Variants in CDH13 observed in about 807,000 individuals in gnomAD.
CDH13 encodes cadherin 13.
CDH13 carries 24 observed loss-of-function variants against 63.8 expected under a neutral mutation model. That is an observed-to-expected ratio of 0.38 (90% CI 0.27 to 0.53). The LOEUF (loss-of-function observed/expected upper bound fraction) is 0.53, where lower values mean the gene tolerates loss of function less well. Ranked by LOEUF, CDH13 falls within the 20% of genes least tolerant of loss-of-function variation. CDH13 has a pLI of 0.85. For synonymous variants in CDH13, 503 were observed against 355.3 expected (o/e 1.42, Z -4.67); for missense variants, 1,049 against 903.1 (o/e 1.16, Z -2.07).
Position 82,764,672 on chromosome 16 carries a change from G to A in CDH13, c.46-93690G>A, listed in dbSNP as rs144644957. Among the ~76,000 whole-genome samples the A allele has an allele frequency of 3.7e-3, 561 of 152,316 alleles. 2 individuals carry two copies. The highest frequency in any genetic ancestry group is 0.012 in the African/African-American group (517 of 41,566). ...GTGTTGAATAATACATGAAGGACACGAATAAATGTGTGTTGAATAATGAAT... is the reference window on the plus strand; with the variant it reads ...GTGTTGAATAATACATGAAGGACACAAATAAATGTGTGTTGAATAATGAAT... On this transcript the variant is annotated intron_variant, in intron 1 of 13. Transcript: ENST00000567109.
Position 83,554,321 on chromosome 16 carries a change from G to A in CDH13, c.961-48133G>A, listed in dbSNP as rs2075563266. ...AATATGCACTGGCAGGCAACAGAAA[G>A]CCAAACAGAAATGAGATCGAAGAAG... On this transcript the variant is annotated intron_variant, in intron 7 of 13. Transcript: ENST00000567109. Among the ~76,000 whole-genome samples, 3 of 152,014 alleles carry A rather than the reference G, an allele frequency of 2.0e-5. No homozygotes were observed. In the South Asian group the frequency reaches 6.2e-4, roughly 32 times the overall value.
chr16:83,694,320 T>C (rs12444140), intron 10 of CDH13, among the ~76,000 whole-genome samples: 86,460 of 152,032 alleles, frequency 0.57, 24,985 homozygotes, highest in Middle Eastern at 0.7. Flanking sequence ...GTCCCATATC[T>C]ACTCCTGCTG....
At chr16:83,091,011 T>C (rs183257679) in intron 3 of CDH13, among the ~76,000 whole-genome samples, 66 of 152,322 alleles carry the variant, frequency 4.3e-4, no homozygotes, top group African/African-American at 1.3e-3. Flanking sequence ...ACTGTAATTT[T>C]TCTACTTATT....
chr16:83,256,674 C>CAAAAA (rs59651612), intron 5 of CDH13, among the ~76,000 whole-genome samples: 2 of 115,652 alleles, frequency 1.7e-5, no homozygotes, highest in African/African-American at 3.3e-5. Flanking sequence ...TACTAAAATA[C>CAAAAA]AAAAAAAAAA....
At chr16:83,217,239 T>C (rs2039563324) in intron 4 of CDH13, 106 bp from the exon 5 acceptor site, 1 of 1,083,914 alleles carries the variant, frequency 9.2e-7, no homozygotes, top group Non-Finnish European at 1.4e-6. Context: ...CAGGTACCCA[T>C]GTGCTGGCAC....
intron 1 of CDH13, among the ~76,000 whole-genome samples, chr16:82,772,484 G>A (rs916521895): frequency 9.9e-5 from 15 of 152,140 alleles, no homozygotes; most frequent in African/African-American, 3.1e-4. Flanking sequence ...TGAGAGGGAG[G>A]GGAACATGCT....
intron 3 of CDH13, among the ~76,000 whole-genome samples, chr16:83,081,914 C>T (rs892887193): frequency 6.6e-6 from 1 of 152,132 alleles, no homozygotes; most frequent in Non-Finnish European, 1.5e-5. Context: ...AATCCTCCTG[C>T]CTCAGGCTCC....
intron 1 of CDH13, among the ~76,000 whole-genome samples, chr16:82,768,462 A>G (rs1017077440): frequency 3.3e-5 from 5 of 152,228 alleles, no homozygotes; most frequent in African/African-American, 1.2e-4. Flanking sequence ...AGGTTAGGCA[A>G]TAAGGAATGT....
intron 1 of CDH13, among the ~76,000 whole-genome samples, chr16:82,818,095 T>G (rs1003458495): frequency 6.7e-6 from 1 of 149,650 alleles, no homozygotes; most frequent in Non-Finnish European, 1.5e-5. Flanking sequence ...TATGAATGTA[T>G]TCACTCATAC....
At chr16:83,455,451 A>T (rs1311781269) in intron 6 of CDH13, among the ~76,000 whole-genome samples, 1 of 152,102 alleles carries the variant, frequency 6.6e-6, no homozygotes, top group Non-Finnish European at 1.5e-5. Flanking sequence ...TTGGTTTAGA[A>T]GTGGCTTTCT....
intron 4 of CDH13, among the ~76,000 whole-genome samples, chr16:83,133,810 A>G (rs570245250): frequency 1.9e-4 from 29 of 152,268 alleles, no homozygotes; most frequent in Admixed American, 1.6e-3. Flanking sequence ...ATGGAATTTT[A>G]CTTGATCTCT....
chr16:83,099,321 TCATTTTACA>T (rs1343837065), intron 3 of CDH13, among the ~76,000 whole-genome samples: 76 of 152,084 alleles, frequency 5.0e-4, no homozygotes, highest in Non-Finnish European at 4.7e-4. Context: ...ATGATAATCT[TCATTTTACA>T]CATTTTTTTT....
intron 10 of CDH13, among the ~76,000 whole-genome samples, chr16:83,742,550 T>G (rs1912166660): frequency 2.0e-5 from 3 of 152,200 alleles, no homozygotes. Flanking sequence ...CACGCTAGTA[T>G]TTTTACACTG....
At chr16:83,027,082 G>A (rs1026121745) in intron 2 of CDH13, among the ~76,000 whole-genome samples, 3 of 148,524 alleles carry the variant, frequency 2.0e-5, no homozygotes, top group African/African-American at 5.0e-5. Flanking sequence ...GCAGCCTCTT[G>A]CTCACAGCAC....
At chr16:83,503,963 G>T (rs2074341148) in intron 7 of CDH13, among the ~76,000 whole-genome samples, 1 of 151,770 alleles carries the variant, frequency 6.6e-6, no homozygotes, top group Admixed American at 6.6e-5. Context: ...GGGGGGTGGG[G>T]GGCAAGGGAA....
At chr16:83,145,389 A>T (rs575005473) in intron 4 of CDH13, among the ~76,000 whole-genome samples, 2 of 152,366 alleles carry the variant, frequency 1.3e-5, no homozygotes, top group South Asian at 4.1e-4. Flanking sequence ...CAGAGAGCTT[A>T]TGCAATTTTG....
intron 7 of CDH13, among the ~76,000 whole-genome samples, chr16:83,500,794 G>A (rs1161175039): frequency 6.6e-6 from 1 of 151,412 alleles, no homozygotes; most frequent in African/African-American, 2.4e-5. Flanking sequence ...TGGCCAGGCT[G>A]GTCTCAAACT....
At chr16:82,905,870 T>C (rs1434695069) in intron 2 of CDH13, among the ~76,000 whole-genome samples, 2 of 152,230 alleles carry the variant, frequency 1.3e-5, no homozygotes, top group African/African-American at 4.8e-5. Flanking sequence ...ACATGGCTAC[T>C]GGCTACAGCA....
At chr16:83,714,633 A>G (rs1908616418) in intron 10 of CDH13, among the ~76,000 whole-genome samples, 1 of 152,350 alleles carries the variant, frequency 6.6e-6, no homozygotes, top group East Asian at 1.9e-4. Context: ...CATTGTCTAT[A>G]GAGACTGTAA....
Sources: gnomAD v4.1 joint callset for allele counts (sites outside exome capture counted in the v4.1 genomes callset) on GRCh38, gnomAD v4.1.1 for gene constraint, MANE v1.5 for transcripts, NCBI Gene and HGNC (gene_info 2026-07-23, HGNC 2026-07-21) for gene names.